The following SLCO1B1 variants were observed in gnomAD, a reference collection of about 807,000 sequenced individuals.
SLCO1B1 encodes solute carrier organic anion transporter family member 1B1.
A neutral mutation model predicts 70.1 loss-of-function variants in SLCO1B1; 81 were observed. That is an observed-to-expected ratio of 1.16 (90% CI 0.97 to 1.39). The LOEUF (loss-of-function observed/expected upper bound fraction) is 1.39. SLCO1B1 is among the 40% of genes most tolerant of loss of function. The pLI is 0.00. For synonymous variants in SLCO1B1, 283 were observed against 271.5 expected (o/e 1.04, Z -0.42); for missense variants, 895 against 799.6 (o/e 1.12, Z -1.44).
At chr12:21,132,185 A>G (rs529079030) in intron 1 of SLCO1B1, among the ~76,000 whole-genome samples, 3 of 152,076 alleles carry the variant, frequency 2.0e-5, no homozygotes, top group Non-Finnish European at 2.9e-5. Context: ...TTATGGCTGC[A>G]TAGTATTCCA....
At chr12:21,155,971 C>T (rs370847496) in intron 2 of SLCO1B1, among the ~76,000 whole-genome samples, 286 of 152,268 alleles carry the variant, frequency 1.9e-3, no homozygotes, top group African/African-American at 6.5e-3. Context: ...TCAATCCCTG[C>T]ATTGAGGTAG....
intron 2 of SLCO1B1, among the ~76,000 whole-genome samples, chr12:21,145,661 G>T (rs186360073): frequency 6.6e-6 from 1 of 151,458 alleles, no homozygotes; most frequent in Non-Finnish European, 1.5e-5. Context: ...ACTTGATCAC[G>T]AGTAATACAT....
chr12:21,144,946 C>T (rs1940362058), intron 2 of SLCO1B1, among the ~76,000 whole-genome samples: 1 of 152,102 alleles, frequency 6.6e-6, no homozygotes, highest in Non-Finnish European at 1.5e-5. Context: ...TGATACCTGT[C>T]ACCACAAAAA....
At chr12:21,166,092 C>T (rs1272447658) in intron 2 of SLCO1B1, among the ~76,000 whole-genome samples, 6 of 150,616 alleles carry the variant, frequency 4.0e-5, no homozygotes, top group Non-Finnish European at 5.9e-5. Flanking sequence ...TACAGTAGTT[C>T]TAGAAAGAGA....
rs193087381 is a variant in SLCO1B1 at position 21,220,772 on chromosome 12, C to G, written c.1683-1528C>G. Among the ~76,000 whole-genome samples, 14 of 150,866 alleles carry G rather than the reference C, an allele frequency of 9.3e-5. 1 individual carries two copies. The South Asian group carries it at 2.5e-3, about 27-fold the overall frequency. On this transcript the variant is annotated intron_variant, in intron 12 of 14. Coordinates refer to ENST00000256958, the MANE Select transcript of SLCO1B1 (RefSeq NM_006446.5). ...GGCGGAGGCTGCAGTGAGCCAAGAT[C>G]GCTCCACTGCACTCCAGCCTGGGAG...
chr12:21,201,562 A>G (rs1378597903), intron 9 of SLCO1B1, among the ~76,000 whole-genome samples: 2 of 152,116 alleles, frequency 1.3e-5, no homozygotes, highest in Non-Finnish European at 2.9e-5. Context: ...TTTTTTAATA[A>G]ATGACAAAGA....
intron 2 of SLCO1B1, among the ~76,000 whole-genome samples, chr12:21,147,549 T>C (rs1159766423): frequency 2.0e-5 from 3 of 152,226 alleles, no homozygotes; most frequent in Non-Finnish European, 4.4e-5. Context: ...TTTCTGCTCC[T>C]ATGTTAGTTT....
intron 1 of SLCO1B1, among the ~76,000 whole-genome samples, chr12:21,136,297 C>T (rs1228213233): frequency 1.3e-5 from 2 of 150,656 alleles, no homozygotes; most frequent in Non-Finnish European, 3.0e-5. Context: ...GTGAATCTGA[C>T]AATTATGTGT....
chr12:21,176,628 A>T, intron 4 of SLCO1B1, 148 bp from the exon 5 acceptor site: 1 of 637,198 alleles, frequency 1.6e-6, no homozygotes, highest in Non-Finnish European at 2.8e-6. Context: ...CATCTCTTAA[A>T]ACACATGCTG....
chr12:21,185,115 G>T (rs1009952153), intron 7 of SLCO1B1, among the ~76,000 whole-genome samples: 5 of 152,014 alleles, frequency 3.3e-5, no homozygotes, highest in Admixed American at 2.0e-4. Flanking sequence ...TTACAAAAAA[G>T]ATTCTTAGAG....
At chr12:21,202,295 G>C (rs1941167647) in intron 9 of SLCO1B1, among the ~76,000 whole-genome samples, 196 bp from the exon 10 acceptor site, 1 of 152,012 alleles carries the variant, frequency 6.6e-6, no homozygotes, top group African/African-American at 2.4e-5. Context: ...TTTGATAGGT[G>C]CAGCAAACCA....
At position 21,222,358 on chromosome 12, in the gene SLCO1B1, G is replaced by A; in HGVS notation, c.1741G>A (p.Ala581Thr). 1 of 393,570 alleles carries A rather than the reference G, an allele frequency of 2.5e-6. No individual in the cohort carries two copies. The highest frequency in any genetic ancestry group is 3.9e-6 in the Non-Finnish European group (1 of 254,602). 24.4% of individuals were successfully genotyped at this position (393,570 alleles called of 1,614,324 possible). A position where few individuals can be genotyped will look rare whatever the true frequency, so the allele number is the denominator to read the frequency against. ...ALGFHSMVIR[A>T]LGGILAPIYF... ...GGGTTTCCACTCAATGGTTATACGA[G>A]CACTAGGTATGATGAAAAAAAAAAA... Residue 581 changes from alanine (A) to threonine (T), a missense_variant, in exon 13 of 15, where the codon GCA becomes ACA. By Grantham distance (58) the Ala-to-Thr change is moderately conservative. Coordinates refer to ENST00000256958, the MANE Select transcript of SLCO1B1 (RefSeq NM_006446.5).
intron 12 of SLCO1B1, among the ~76,000 whole-genome samples, chr12:21,221,111 C>T (rs964337835): frequency 3.3e-5 from 5 of 152,050 alleles, no homozygotes; most frequent in Non-Finnish European, 7.4e-5. Context: ...TAAAATTTAA[C>T]ATCTTTCATG....
chr12:21,232,398 A>T (rs1487467512), intron 14 of SLCO1B1, among the ~76,000 whole-genome samples: 1 of 152,188 alleles, frequency 6.6e-6, no homozygotes, highest in Non-Finnish European at 1.5e-5. Flanking sequence ...GTACTGCCAC[A>T]TAGTTACAAG....
At chr12:21,138,744 G>A (rs901829328) in intron 1 of SLCO1B1, among the ~76,000 whole-genome samples, 10 of 136,650 alleles carry the variant, frequency 7.3e-5, no homozygotes, top group Non-Finnish European at 1.6e-4. Flanking sequence ...TATTGAAGAG[G>A]TACAATTTGG....
At chr12:21,233,801 C>G (rs962074747) in intron 14 of SLCO1B1, among the ~76,000 whole-genome samples, 1 of 152,162 alleles carries the variant, frequency 6.6e-6, no homozygotes, top group African/African-American at 2.4e-5. Flanking sequence ...AGAGACAGTG[C>G]CAGAGTCAGC....
At chr12:21,206,929 C>A (rs1941222013) in intron 11 of SLCO1B1, among the ~76,000 whole-genome samples, 1 of 151,804 alleles carries the variant, frequency 6.6e-6, no homozygotes, top group African/African-American at 2.4e-5. Flanking sequence ...ATCTACCTAC[C>A]AATTATAATA....
intron 1 of SLCO1B1, among the ~76,000 whole-genome samples, chr12:21,132,910 G>T (rs1048795934): frequency 6.6e-6 from 1 of 152,058 alleles, no homozygotes; most frequent in Non-Finnish European, 1.5e-5. Context: ...CCTTGCCCAT[G>T]CCTATGTCCT....
chr12:21,219,106 ATG>A (rs1297446962), intron 12 of SLCO1B1, among the ~76,000 whole-genome samples: 2 of 152,186 alleles, frequency 1.3e-5, no homozygotes, highest in South Asian at 4.1e-4. Flanking sequence ...GAAGGAATGA[ATG>A]TGTGTAGCAG....
Sources: allele counts gnomAD v4.1 joint callset (sites outside exome capture counted in the v4.1 genomes callset), GRCh38; gene constraint gnomAD v4.1.1; transcripts MANE v1.5; gene names NCBI Gene and HGNC (gene_info 2026-07-23, HGNC 2026-07-21).